Variants in CACNA1C observed in about 807,000 individuals in gnomAD.
The protein encoded by CACNA1C is voltage-dependent L-type calcium channel subunit alpha-1C.
Under a neutral mutation model 229.0 loss-of-function variants are expected in CACNA1C, and 30 were observed. The ratio of observed to expected loss-of-function variants is 0.13; its 90% CI spans 0.10 to 0.18. The LOEUF is 0.18. Ranked by LOEUF, CACNA1C falls within the 10% of genes least tolerant of loss-of-function variation. The pLI, the probability that CACNA1C is intolerant of heterozygous loss-of-function variation, is 1.00. For missense variants in CACNA1C, 1,658 were observed against 2,845.0 expected (o/e 0.58, Z 9.49); for synonymous variants, 1,114 against 1,132.5 (o/e 0.98, Z 0.33).
intron 1 of CACNA1C, among the ~76,000 whole-genome samples, chr12:2,060,952 C>T (rs2057263329): frequency 6.6e-6 from 1 of 152,168 alleles, no homozygotes; most frequent in Non-Finnish European, 1.5e-5. Context: ...CATTTATATT[C>T]CTTTCTTTCT....
chr12:2,234,524 T>C (rs2066566363), intron 3 of CACNA1C, among the ~76,000 whole-genome samples: 1 of 152,186 alleles, frequency 6.6e-6, no homozygotes, highest in African/African-American at 2.4e-5. Context: ...GATGGGCTCC[T>C]GTATGCAGGC....
At chr12:2,104,985 C>A (rs1029826965) in intron 1 of CACNA1C, among the ~76,000 whole-genome samples, 1 of 152,198 alleles carries the variant, frequency 6.6e-6, no homozygotes, top group Non-Finnish European at 1.5e-5. Context: ...AATATGAGAG[C>A]CCTCGAGTGC....
chr12:2,514,636 T>TGGCTCCA (rs1312429596), intron 9 of CACNA1C, among the ~76,000 whole-genome samples: 1 of 152,322 alleles, frequency 6.6e-6, no homozygotes, highest in South Asian at 2.1e-4. Context: ...TGCTGGCTCC[T>TGGCTCCA]GGCTCCACCC....
chr12:2,083,457 C>T lies in CACNA1C; in HGVS notation c.49+29846C>T, dbSNP rs1444436147. Among the ~76,000 whole-genome samples, 5 of 152,310 alleles carry T rather than the reference C, an allele frequency of 3.3e-5. No homozygotes were observed. The East Asian group carries it at 9.6e-4, about 29-fold the overall frequency. ...GATCAGGCTATCCCTTTCTTAGGGA[C>T]ACAGTTGAGGTGGGTGGAAACAGCA... On this transcript the variant is annotated intron_variant, in intron 1 of 46. Coordinates refer to ENST00000399655, the MANE Select transcript of CACNA1C (RefSeq NM_000719.7).
At chr12:2,243,669 T>A (rs80295761) in intron 3 of CACNA1C, among the ~76,000 whole-genome samples, 1 of 152,188 alleles carries the variant, frequency 6.6e-6, no homozygotes, top group African/African-American at 2.4e-5. Context: ...AATGGGATAA[T>A]AGTAGCTACC....
In CACNA1C at chr12:2,054,138, T is replaced by C. The variant is rs545677148; in HGVS notation, c.49+527T>C. 1.3e-5 allele frequency among the ~76,000 whole-genome samples: 2 copies of C among 151,430 alleles called. No individual in the cohort carries two copies. The highest frequency in any genetic ancestry group is 4.2e-4 in the South Asian group (2 of 4,818). On this transcript the variant is annotated intron_variant, in intron 1 of 46. Coordinates refer to ENST00000399655, the MANE Select transcript of CACNA1C (RefSeq NM_000719.7). This position sits in a 1 kb window ranked among gnomAD's most constrained non-coding sequence, Gnocchi z 5.5. The stretch of plus-strand genomic sequence containing the variant: ...GCGTCCACTCTCGTCCAGGCGCCCC[T>C]GCCCTGGGCGGCGCGCTCCAGGTGG...
At chr12:2,638,446 T>C (rs1388861000) in intron 30 of CACNA1C, among the ~76,000 whole-genome samples, 1 of 152,018 alleles carries the variant, frequency 6.6e-6, no homozygotes, top group Non-Finnish European at 1.5e-5. Context: ...ACTAACAGGT[T>C]CCACTTTTGG....
chr12:2,072,122 T>C (rs1186843430), intron 1 of CACNA1C, among the ~76,000 whole-genome samples: 1 of 151,932 alleles, frequency 6.6e-6, no homozygotes, highest in East Asian at 1.9e-4. Flanking sequence ...AGACATTTAA[T>C]AAAACTGTAT....
intron 10 of CACNA1C, among the ~76,000 whole-genome samples, chr12:2,552,184 T>C (rs1349905121): frequency 1.3e-5 from 2 of 152,210 alleles, no homozygotes; most frequent in Non-Finnish European, 2.9e-5. Context: ...TGTTTATCCA[T>C]GCATTCGTTC....
intron 9 of CACNA1C, among the ~76,000 whole-genome samples, chr12:2,522,866 T>C (rs924339975): frequency 6.6e-6 from 1 of 152,140 alleles, no homozygotes; most frequent in African/African-American, 2.4e-5. Flanking sequence ...ATTTTGCAGA[T>C]GGGAAAAGTG....
At chr12:1,990,984 C>CAAAAAAAAAAAAAAAAAAAA in intron 1 of CACNA1C, 1 of 298,628 alleles carries the variant, frequency 3.3e-6, no homozygotes, top group Non-Finnish European at 6.4e-6. Context: ...ATAGAAAGGA[C>CAAAAAAAAAAAAAAAAAAAA]AAAAAAAAAA....
At chr12:2,179,002 C>T (rs770756584) in intron 3 of CACNA1C, among the ~76,000 whole-genome samples, 7 of 152,156 alleles carry the variant, frequency 4.6e-5, no homozygotes, top group Non-Finnish European at 8.8e-5. Context: ...GTAAAGGTTG[C>T]AGTGAGCCGT....
chr12:2,284,232 G>A (rs1566873094), intron 3 of CACNA1C, among the ~76,000 whole-genome samples: 1 of 151,898 alleles, frequency 6.6e-6, no homozygotes. Context: ...GGGAGAGGGA[G>A]CATTTTTTTG....
chr12:2,426,111 A>G (rs561358149), intron 3 of CACNA1C, among the ~76,000 whole-genome samples: 1 of 152,192 alleles, frequency 6.6e-6, no homozygotes, highest in Non-Finnish European at 1.5e-5. Flanking sequence ...ACTGGTGAGA[A>G]CTAACCCAGC....
At chr12:2,329,937 G>A (rs112665744) in intron 3 of CACNA1C, among the ~76,000 whole-genome samples, 302 of 152,326 alleles carry the variant, frequency 2.0e-3, no homozygotes, top group Non-Finnish European at 3.7e-3. Flanking sequence ...GAACAGTTGA[G>A]CCCCAGATGG....
At chr12:2,260,609 G>T (rs763912241) in intron 3 of CACNA1C, among the ~76,000 whole-genome samples, 2 of 152,190 alleles carry the variant, frequency 1.3e-5, no homozygotes, top group Non-Finnish European at 2.9e-5. Context: ...GGGGCCCTCG[G>T]CCCGTCCTGG....
At chr12:2,356,509 C>T (rs937530980) in intron 3 of CACNA1C, among the ~76,000 whole-genome samples, 4 of 152,220 alleles carry the variant, frequency 2.6e-5, no homozygotes, top group African/African-American at 4.8e-5. Context: ...GGCAGGCAGG[C>T]GGCTGGCTCA....
chr12:2,347,280 G>T (rs974047074), intron 3 of CACNA1C, among the ~76,000 whole-genome samples: 50 of 152,360 alleles, frequency 3.3e-4, no homozygotes, highest in Admixed American at 2.8e-3. Context: ...AACTAAGTGA[G>T]ATGTACCAGC....
At chr12:2,001,931 C>T (rs2042278405) in intron 1 of CACNA1C, among the ~76,000 whole-genome samples, 1 of 152,186 alleles carries the variant, frequency 6.6e-6, no homozygotes, top group Non-Finnish European at 1.5e-5. Context: ...CTGAGAGCCA[C>T]TGGTCTAAGG....
Sources: allele counts gnomAD v4.1 joint callset (sites outside exome capture counted in the v4.1 genomes callset), GRCh38; gene constraint gnomAD v4.1.1; non-coding constraint Gnocchi (gnomAD v3.1); transcripts MANE v1.5; gene names NCBI Gene and HGNC (gene_info 2026-07-23, HGNC 2026-07-21).